TPD52L1: variants seen among roughly 807,000 people sequenced by gnomAD.
The protein encoded by TPD52L1 is TPD52 like 1.
In TPD52L1, 18 loss-of-function variants were observed where a neutral mutation model predicts 28.7. The ratio of observed to expected loss-of-function variants is 0.63; its 90% CI spans 0.43 to 0.93. TPD52L1 has a LOEUF of 0.93. TPD52L1 is among the 40% of genes least tolerant of loss of function. The probability of loss-of-function intolerance (pLI) is 0.00; values close to 1 mark genes in which losing one functional copy is unlikely to be tolerated. For missense variants in TPD52L1, 203 were observed against 254.8 expected, an observed-to-expected ratio of 0.80 and a Z score of 1.39; for synonymous variants, 75 against 88.8, an observed-to-expected ratio of 0.84 and a Z score of 0.88.
chr6:125,195,196 T>G (rs1644121732), intron 1 of TPD52L1, among the ~76,000 whole-genome samples: 2 of 152,226 alleles, frequency 1.3e-5, no homozygotes, highest in Admixed American at 1.3e-4. Context: ...AAGGGGAAGT[T>G]AATCTGTAAC....
rs532703375 is a variant in TPD52L1, at chr6:125,248,331, G to A, written c.334G>A (p.Ala112Thr). The change falls in exon 4 of 7, where the codon GCA becomes ACA. Residue 112 changes from alanine to threonine, a missense_variant. Physicochemically the swap from Ala to Thr is moderately conservative, Grantham distance 58. Coordinates refer to ENST00000534000, the MANE Select transcript of TPD52L1 (RefSeq NM_003287.4). ...GAGTCACGCAGGGCAAAAGGCAACT[G>A]CAGCTTTCAGCAACGTTGGAACGGC... Reference protein sequence around the residue: ...TLSHAGQKATAAFSNVGTAIS... With the variant: ...TLSHAGQKATTAFSNVGTAIS... The A allele has an allele frequency of 6.2e-7, 1 of 1,614,168 alleles. No homozygotes were observed. The highest frequency in any genetic ancestry group is 1.7e-5 in the Admixed American group (1 of 60,020).
chr6:125,167,709 T>C (rs1398338294), intron 1 of TPD52L1, among the ~76,000 whole-genome samples: 1 of 152,196 alleles, frequency 6.6e-6, no homozygotes, highest in Non-Finnish European at 1.5e-5. Flanking sequence ...GCTTAACACA[T>C]GCACTTTACA....
intron 2 of TPD52L1, among the ~76,000 whole-genome samples, chr6:125,221,205 A>G (rs755905385): frequency 6.6e-6 from 1 of 152,248 alleles, no homozygotes; most frequent in Non-Finnish European, 1.5e-5. Flanking sequence ...ATGAAAGAGC[A>G]GCACGTTCCT....
chr6:125,174,388 C>A (rs1791696478), intron 1 of TPD52L1, among the ~76,000 whole-genome samples: 1 of 152,090 alleles, frequency 6.6e-6, no homozygotes. Flanking sequence ...ATGCTACCTA[C>A]CACAAAGTTA....
At chr6:125,192,910 C>A (rs1793154115) in intron 1 of TPD52L1, among the ~76,000 whole-genome samples, 1 of 152,192 alleles carries the variant, frequency 6.6e-6, no homozygotes, top group South Asian at 2.1e-4. Flanking sequence ...CCATGTCCTC[C>A]ATGGCAAACA....
intron 1 of TPD52L1, among the ~76,000 whole-genome samples, chr6:125,208,507 G>T (rs1432636199): frequency 6.6e-6 from 1 of 152,042 alleles, no homozygotes; most frequent in Non-Finnish European, 1.5e-5. Flanking sequence ...GCAGTCTCGT[G>T]ACATTTGTTA....
chr6:125,174,578 T>C (rs1791707433), intron 1 of TPD52L1, among the ~76,000 whole-genome samples: 1 of 152,228 alleles, frequency 6.6e-6, no homozygotes, highest in Non-Finnish European at 1.5e-5. Flanking sequence ...CTGCTTTTGG[T>C]CCTTCTTTAT....
chr6:125,205,077 A>G (rs886320521), intron 1 of TPD52L1, among the ~76,000 whole-genome samples: 1 of 152,194 alleles, frequency 6.6e-6, no homozygotes, highest in South Asian at 2.1e-4. Context: ...AAGGAAAGAG[A>G]GCACAGAATT....
In TPD52L1 at chr6:125,220,120, C is replaced by T. The variant is rs1323336224; in HGVS notation, c.62C>T (p.Ala21Val). The T allele has an allele frequency of 6.2e-7, 1 of 1,613,808 alleles. No homozygotes were observed. Among genetic ancestry groups the T allele is most frequent in the South Asian group, 1.1e-5 (1 of 91,084 alleles). ...TEPLQGTDED[A>V]VASADFSSML... ...CCGTTGCAAGGAACAGACGAAGATG[C>T]AGTAGCCAGTGCTGACTTCTCTAGC... The change falls in exon 2 of 7, where the codon GCA (alanine) becomes GTA (valine). Residue 21 changes from alanine to valine, a missense_variant. By Grantham distance (64) the Ala-to-Val change is moderately conservative (BLOSUM62 0). Transcript: ENST00000534000.
chr6:125,189,643 G>T (rs1238880633), intron 1 of TPD52L1, among the ~76,000 whole-genome samples: 1 of 152,086 alleles, frequency 6.6e-6, no homozygotes, highest in Non-Finnish European at 1.5e-5. Flanking sequence ...GATTGTGTGG[G>T]TGTTGTCAAA....
At chr6:125,211,602 G>T (rs981189557) in intron 1 of TPD52L1, among the ~76,000 whole-genome samples, 4 of 152,144 alleles carry the variant, frequency 2.6e-5, no homozygotes, top group South Asian at 2.1e-4. Context: ...ACTCTCAAAG[G>T]TTCAAGTAGG....
chr6:125,163,334 T>A (rs1167152354), intron 1 of TPD52L1, among the ~76,000 whole-genome samples: 1 of 152,054 alleles, frequency 6.6e-6, no homozygotes, highest in Non-Finnish European at 1.5e-5. Flanking sequence ...TGGCTCCTGG[T>A]ACTTTGGGAG....
chr6:125,198,757 A>G (rs1285436032), intron 1 of TPD52L1, among the ~76,000 whole-genome samples: 8 of 152,154 alleles, frequency 5.3e-5, no homozygotes, highest in Non-Finnish European at 1.2e-4. Context: ...TGTGTTGTCA[A>G]TGGCTCAATT....
chr6:125,260,415 T>C (rs1368811149), intron 6 of TPD52L1: 1 of 152,214 alleles, frequency 6.6e-6, no homozygotes, highest in African/African-American at 2.4e-5. Flanking sequence ...CATTTTTTAA[T>C]GGTTGAAAAA....
intron 1 of TPD52L1, chr6:125,214,406 C>T: frequency 1.0e-6 from 1 of 974,460 alleles, no homozygotes; most frequent in Non-Finnish European, 1.2e-6. Context: ...CTCATTCTCT[C>T]CTCCTTTCCT....
chr6:125,173,733 G>A (rs996515809), intron 1 of TPD52L1, among the ~76,000 whole-genome samples: 4 of 152,074 alleles, frequency 2.6e-5, no homozygotes, highest in African/African-American at 9.7e-5. Flanking sequence ...TATTTCCTAT[G>A]AGGAAAGTCT....
At position 125,173,814 on chromosome 6, in the gene TPD52L1, G is replaced by A. The variant is rs572008702; in HGVS notation, c.19+19844G>A. Among the ~76,000 whole-genome samples, 80 of 152,028 alleles carry A rather than the reference G, an allele frequency of 5.3e-4. 1 individual carries two copies. The South Asian group carries it at 0.011, about 22-fold the overall frequency. ...GCTATTCTAGATGCTGATACTTCTC[G>A]TTTAAAGAATGACTCTGCATACTCA... is the stretch of plus-strand genomic sequence containing the variant. On this transcript the variant is annotated intron_variant, in intron 1 of 6. Coordinates refer to ENST00000534000, the MANE Select transcript of TPD52L1 (RefSeq NM_003287.4).
intron 1 of TPD52L1, among the ~76,000 whole-genome samples, chr6:125,157,788 A>G (rs1790233230): frequency 6.7e-6 from 1 of 148,360 alleles, no homozygotes; most frequent in South Asian, 2.1e-4. Flanking sequence ...CAAATTAATA[A>G]CTATGTTAGT....
intron 1 of TPD52L1, chr6:125,208,961 C>G: frequency 2.0e-6 from 2 of 985,266 alleles, no homozygotes; most frequent in Non-Finnish European, 2.4e-6. Context: ...CTGTGCTGAG[C>G]TGTTGAGGCA....
Sources: allele counts gnomAD v4.1 joint callset (sites outside exome capture counted in the v4.1 genomes callset), GRCh38; gene constraint gnomAD v4.1.1; transcripts MANE v1.5; gene names NCBI Gene and HGNC (gene_info 2026-07-23, HGNC 2026-07-21).